Variants in GLP1R observed in about 807,000 individuals in gnomAD.
GLP1R encodes glucagon like peptide 1 receptor, also known as glucagon-like peptide 1 receptor.
In GLP1R, 32 loss-of-function variants were observed where a neutral mutation model predicts 68.4. The ratio of observed to expected loss-of-function variants is 0.47; its 90% CI spans 0.35 to 0.63. The LOEUF (loss-of-function observed/expected upper bound fraction) is 0.63, where lower values mean the gene tolerates loss of function less well. Among genes scored for constraint, GLP1R ranks in the 20% least tolerant of loss-of-function variants. GLP1R has a pLI of 0.00. For missense variants in GLP1R, 502 were observed against 594.9 expected, an observed-to-expected ratio of 0.84 and a Z score of 1.62; for synonymous variants, 263 against 244.4, an observed-to-expected ratio of 1.08 and a Z score of -0.71.
At chr6:39,052,271 G>C (rs1470858038) in intron 1 of GLP1R, among the ~76,000 whole-genome samples, 1 of 152,000 alleles carries the variant, frequency 6.6e-6, no homozygotes, top group African/African-American at 2.4e-5. Flanking sequence ...TGAAAAAAAA[G>C]AAAGAAAGAA....
rs112836555 is a variant in GLP1R, at chr6:39,088,695, T to C, written c.*2622T>C. On this transcript the variant is annotated 3_prime_UTR_variant, in exon 13 of 13. Transcript: ENST00000373256. ...AATCGCAGAACTGAAACAAAACACTTATATTGCAAAGTTCCTTCCCTTTAA... is the reference window on the plus strand; with the variant it reads ...AATCGCAGAACTGAAACAAAACACTCATATTGCAAAGTTCCTTCCCTTTAA... 3.0e-3 allele frequency among the ~76,000 whole-genome samples: 456 copies of C among 152,338 alleles called. 5 individuals carry two copies. Among genetic ancestry groups the C allele is most frequent in the Non-Finnish European group, 5.7e-3 (388 of 68,030 alleles).
At chr6:39,083,793 C>A (rs529469929) in intron 12 of GLP1R, among the ~76,000 whole-genome samples, 1 of 152,048 alleles carries the variant, frequency 6.6e-6, no homozygotes, top group East Asian at 1.9e-4. Flanking sequence ...GATAAAAATC[C>A]GATGGTGGAG....
At chr6:39,074,582 C>G (rs1023805958) in intron 7 of GLP1R, among the ~76,000 whole-genome samples, 4 of 152,176 alleles carry the variant, frequency 2.6e-5, no homozygotes, top group Admixed American at 2.6e-4. Context: ...CCACACCATC[C>G]CCCGCCCTGC....
At position 39,089,747 on chromosome 6, in the gene GLP1R, G is replaced by C. The variant is rs1769237862; in HGVS notation, c.*3674G>C. On this transcript the variant is annotated 3_prime_UTR_variant, in exon 13 of 13. Coordinates refer to ENST00000373256, the MANE Select transcript of GLP1R (RefSeq NM_002062.5). This position sits in a 1 kb window ranked among gnomAD's most constrained non-coding sequence, Gnocchi z 4.1. ...TCATAGGACCGCACACCCGAGGCTG[G>C]GAGTCTAAGTGGTAGATGCTTCCTC... 6.6e-6 allele frequency among the ~76,000 whole-genome samples: 1 copy of C among 152,116 alleles called. No individual in the cohort carries two copies. Among genetic ancestry groups the C allele is most frequent in the Non-Finnish European group, 1.5e-5 (1 of 68,020 alleles).
intron 5 of GLP1R, among the ~76,000 whole-genome samples, chr6:39,068,320 G>T (rs1256529414): frequency 6.6e-6 from 1 of 152,094 alleles, no homozygotes; most frequent in Non-Finnish European, 1.5e-5. Flanking sequence ...AGCTTTGCTG[G>T]GTTCAGCTCA....
At chr6:39,051,337 C>T (rs539815553) in intron 1 of GLP1R, among the ~76,000 whole-genome samples, 11 of 152,264 alleles carry the variant, frequency 7.2e-5, no homozygotes, top group South Asian at 2.1e-4. Flanking sequence ...AGTCAAATGG[C>T]AGAACTGACC....
rs1028709649 is a variant in GLP1R at position 39,090,235 on chromosome 6, A to G, written c.*4162A>G. The stretch of plus-strand genomic sequence containing the variant: ...GTGCCACAGTGTGTCTGCAGTATCT[A>G]TAAGTACTTCCGCTCTGTCAAGGAA... On this transcript the variant is annotated 3_prime_UTR_variant, in exon 13 of 13. Transcript: ENST00000373256. Among the ~76,000 whole-genome samples the G allele has an allele frequency of 6.6e-6, 1 of 152,210 alleles. No homozygotes were observed. The highest frequency in any genetic ancestry group is 2.4e-5 in the African/African-American group (1 of 41,450).
Position 39,086,057 on chromosome 6 carries a change from A to G in GLP1R, c.1376A>G (p.Gln459Arg), listed in dbSNP as rs1440906113. ...AGCAGCATGTACACAGCCACTTGCC[A>G]GGCCTCCTGCAGCTGAGACTCCAGC... ...AGSSMYTATC[Q>R]ASCS Residue 459 changes from glutamine to arginine, a missense_variant, in exon 13 of 13, where the codon CAG (glutamine) becomes CGG (arginine). Gln to Arg is a conservative substitution (Grantham distance 43, BLOSUM62 1). Coordinates refer to ENST00000373256, the MANE Select transcript of GLP1R (RefSeq NM_002062.5). The surrounding 1 kb of genome is among the most constrained non-coding windows in gnomAD (Gnocchi z 4.5). 1.2e-6 allele frequency: 2 copies of G among 1,613,804 alleles called. No individual in the cohort carries two copies. The highest frequency in any genetic ancestry group is 1.7e-6 in the Non-Finnish European group (2 of 1,179,898).
In GLP1R at chr6:39,066,212, C is replaced by T. The variant is rs1314456902; in HGVS notation, c.418C>T (p.Gln140Ter). ...TGTGCCACAGAGCTCCCCGGAGGAG[C>T]AGCTCCTGTTCCTCTACATCATCTA... is the stretch of plus-strand genomic sequence containing the variant. Reference protein sequence around the residue: ...KRGERSSPEEQLLFLYIIYTV... With the variant: ...KRGERSSPEE The change falls in exon 5 of 13, where the codon CAG (glutamine) becomes TAG (stop). Residue 140 changes from glutamine to a stop codon, truncating the protein, a stop_gained. Transcript: ENST00000373256. LOFTEE classifies it high-confidence loss of function. 6.2e-7 allele frequency: 1 copy of T among 1,603,072 alleles called. No individual in the cohort carries two copies. The highest frequency in any genetic ancestry group is 8.5e-7 in the Non-Finnish European group (1 of 1,170,100).
At chr6:39,054,591 T>C (rs546973727) in intron 1 of GLP1R, among the ~76,000 whole-genome samples, 1 of 152,228 alleles carries the variant, frequency 6.6e-6, no homozygotes, top group Non-Finnish European at 1.5e-5. Context: ...GGAGGCCAGA[T>C]TGGCCTTCAT....
chr6:39,063,944 CACACACACACACACACA>C (rs1485172849), intron 3 of GLP1R, among the ~76,000 whole-genome samples: 74 of 129,656 alleles, frequency 5.7e-4, no homozygotes, highest in African/African-American at 2.2e-3. Context: ...CACACACACA[CACACACACACACACACA>C]CCCCACATTA....
In GLP1R at chr6:39,089,271, T is replaced by C. The variant is rs1431971636; in HGVS notation, c.*3198T>C. On this transcript the variant is annotated 3_prime_UTR_variant, in exon 13 of 13. Transcript: ENST00000373256. The surrounding 1 kb of genome is among the most constrained non-coding windows in gnomAD (Gnocchi z 4.1). Reference sequence around the variant, plus strand: ...GATGGCAATTCCAGCACTCTTTTAATGGATTGGCTTAATTTTTTTTTCTGA... The same window carrying C: ...GATGGCAATTCCAGCACTCTTTTAACGGATTGGCTTAATTTTTTTTTCTGA... Among the ~76,000 whole-genome samples the C allele has an allele frequency of 1.3e-5, 2 of 152,254 alleles. No homozygotes were observed. Among genetic ancestry groups the C allele is most frequent in the Non-Finnish European group, 2.9e-5 (2 of 68,050 alleles).
At chr6:39,075,566 G>A (rs765582154) in intron 7 of GLP1R, among the ~76,000 whole-genome samples, 1 of 152,102 alleles carries the variant, frequency 6.6e-6, no homozygotes, top group East Asian at 1.9e-4. Flanking sequence ...CTCAGGGCTC[G>A]GGGTCTGTGG....
At position 39,057,902 on chromosome 6, in the gene GLP1R, C is replaced by T. The variant is rs543548389; in HGVS notation, c.283+323C>T. ...GGTCAGCAGTGGTGAGCTCCCTCCCCCACCGTCCCCTGTATCGAGGAGGCT... is the reference window on the plus strand; with the variant it reads ...GGTCAGCAGTGGTGAGCTCCCTCCCTCACCGTCCCCTGTATCGAGGAGGCT... On this transcript the variant is annotated intron_variant, in intron 3 of 12. Coordinates refer to ENST00000373256, the MANE Select transcript of GLP1R (RefSeq NM_002062.5). Among the ~76,000 whole-genome samples, 3 of 152,292 alleles carry T rather than the reference C, an allele frequency of 2.0e-5. No individual in the cohort carries two copies. In the East Asian group the frequency reaches 5.8e-4, roughly 29 times the overall value.
rs138965775 is a variant in GLP1R at position 39,072,977 on chromosome 6, G to C, written c.625G>C (p.Ala209Pro). ...CCTGAAGTGGATGTATAGCACAGCC[G>C]CCCAGCAGCACCAGTGGGATGGGCT... The part of the protein sequence containing the change: ...AALKWMYSTA[A>P]QQHQWDGLLS... Residue 209 changes from alanine (A) to proline (P), a missense_variant, in exon 6 of 13, where the codon GCC (alanine) becomes CCC (proline). Transcript: ENST00000373256. The C allele has an allele frequency of 2.5e-6, 4 of 1,613,944 alleles. No individual in the cohort carries two copies. The highest frequency in any genetic ancestry group is 3.4e-6 in the Non-Finnish European group (4 of 1,179,956).
At chr6:39,058,305 T>A (rs1296547410) in intron 3 of GLP1R, among the ~76,000 whole-genome samples, 1 of 152,050 alleles carries the variant, frequency 6.6e-6, no homozygotes, top group Non-Finnish European at 1.5e-5. Flanking sequence ...ACTTCCTCAC[T>A]CTTTAGAGGT....
intron 1 of GLP1R, among the ~76,000 whole-genome samples, chr6:39,051,342 C>T (rs1200028392): frequency 6.6e-6 from 1 of 152,156 alleles, no homozygotes; most frequent in African/African-American, 2.4e-5. Context: ...AATGGCAGAA[C>T]TGACCCATTT....
chr6:39,079,469 T>A lies in GLP1R; in HGVS notation c.1044-95T>A. ...TGGGAGAACATCCATGACCCAGATA[T>A]CAGGACTTGGTAGGAAGTGGGGAGG... On this transcript the variant is annotated intron_variant, in intron 10 of 12. Transcript: ENST00000373256. This position sits in a 1 kb window ranked among gnomAD's most constrained non-coding sequence, Gnocchi z 4.5. 7.9e-7 allele frequency: 1 copy of A among 1,264,676 alleles called. No individual in the cohort carries two copies. Among genetic ancestry groups the A allele is most frequent in the Non-Finnish European group, 1.1e-6 (1 of 908,404 alleles). The allele number at this position is 1,264,676 out of a possible 1,614,324, so 78.3% of individuals were successfully genotyped here.
intron 12 of GLP1R, 62 bp downstream of exon 12, chr6:39,080,801 T>TCCCC: frequency 9.7e-7 from 1 of 1,028,692 alleles, no homozygotes; most frequent in Non-Finnish European, 1.5e-6. Context: ...CCGTCTGGAG[T>TCCCC]AGTACAATGG....
Sources: allele counts gnomAD v4.1 joint callset (sites outside exome capture counted in the v4.1 genomes callset), GRCh38; gene constraint gnomAD v4.1.1; non-coding constraint Gnocchi (gnomAD v3.1); transcripts MANE v1.5; gene names NCBI Gene and HGNC (gene_info 2026-07-23, HGNC 2026-07-21).